NAPA: variants seen among roughly 807,000 people sequenced by gnomAD.
NAPA encodes the protein NSF attachment protein alpha.
In NAPA, 18 loss-of-function variants were observed where a neutral mutation model predicts 48.0. The observed-to-expected ratio is 0.38, with a 90% CI of 0.26 to 0.56. The LOEUF is 0.56. NAPA is among the 20% of genes least tolerant of loss of function. NAPA has a pLI of 0.77. For missense variants in NAPA, 315 were observed against 385.0 expected (o/e 0.82, Z 1.52); for synonymous variants, 152 against 149.9 (o/e 1.01, Z -0.10).
Position 47,503,289 on chromosome 19 carries a change from A to G in NAPA, c.178+134T>C, listed in dbSNP as rs150220822. ...CAGGCACAAAACAAGAGAGCAGGCC[A>G]GTGGCTTTCCGATGCCGGAGAGGGC... On this transcript the variant is annotated intron_variant, in intron 2 of 10. Transcript: ENST00000263354. The G allele has an allele frequency of 1.5e-3, 1,140 of 784,952 alleles. 6 individuals are homozygous for G. The African/African-American group carries it at 0.018, about 12-fold the overall frequency. 48.6% of individuals were successfully genotyped at this position (784,952 alleles called of 1,614,324 possible).
rs150356314 is a variant in NAPA at position 47,500,658 on chromosome 19, G to T, written c.270C>A (p.Asn90Lys). ...CTTGGGGGTCGGCTTTCTTGAATGC[G>T]TTGCCAGCGTCCACAAAGCAGGTGG... The part of the protein sequence containing the change: ...DAATCFVDAG[N>K]AFKKADPQEA... The change falls in exon 3 of 11, where the codon AAC becomes AAA. Residue 90 changes from asparagine to lysine, a missense_variant. Transcript: ENST00000263354. The T allele has an allele frequency of 6.2e-7, 1 of 1,610,622 alleles. No homozygotes were observed. Among genetic ancestry groups the T allele is most frequent in the Non-Finnish European group, 8.5e-7 (1 of 1,178,472 alleles).
downstream of NAPA, among the ~76,000 whole-genome samples, chr19:47,486,080 G>T (rs1968067815): frequency 1.3e-5 from 2 of 152,210 alleles, no homozygotes; most frequent in Admixed American, 6.5e-5. Flanking sequence ...AACAGGCCGG[G>T]CCTGGTGGCT....
At chr19:47,503,379 G>C in intron 2 of NAPA, 44 bp downstream of exon 2, 1 of 1,556,848 alleles carries the variant, frequency 6.4e-7, no homozygotes, top group East Asian at 2.2e-5. Context: ...GAAGCTGAGG[G>C]AGGAGGAGAG....
intron 3 of NAPA, 97 bp from the exon 4 acceptor site, chr19:47,495,693 G>T: frequency 8.5e-7 from 1 of 1,169,996 alleles, no homozygotes; most frequent in Non-Finnish European, 1.3e-6. Flanking sequence ...CTGGCTGCCA[G>T]CAGAGAGATC....
intron 2 of NAPA, among the ~76,000 whole-genome samples, chr19:47,500,968 G>A (rs1968563926): frequency 6.6e-6 from 1 of 152,184 alleles, no homozygotes; most frequent in Non-Finnish European, 1.5e-5. Context: ...GAGGCTCCTG[G>A]TGGCCCACCT....
chr19:47,486,997 C>T (rs1471112882), downstream of NAPA, among the ~76,000 whole-genome samples: 3 of 152,230 alleles, frequency 2.0e-5, no homozygotes, highest in Non-Finnish European at 4.4e-5. Context: ...GCTGTCTCCT[C>T]TGTAGCGAGG....
downstream of NAPA, among the ~76,000 whole-genome samples, chr19:47,485,906 C>T (rs1430947445): frequency 1.3e-5 from 2 of 152,224 alleles, no homozygotes; most frequent in Non-Finnish European, 2.9e-5. Context: ...TTCAGCAGTG[C>T]GTTTCCTTCA....
At chr19:47,501,759 G>T (rs1310959397) in intron 2 of NAPA, among the ~76,000 whole-genome samples, 1 of 152,148 alleles carries the variant, frequency 6.6e-6, no homozygotes, top group Admixed American at 6.5e-5. Flanking sequence ...TCGTGCAGCT[G>T]ACCACCTCCA....
Position 47,515,056 on chromosome 19 carries a change from C to A in NAPA, c.-116G>T. 5 of 1,052,418 alleles carry A rather than the reference C, an allele frequency of 4.8e-6. No homozygotes were observed. Among genetic ancestry groups the A allele is most frequent in the African/African-American group, 1.6e-5 (1 of 62,356 alleles). The allele number at this position is 1,052,418 out of a possible 1,614,324, so 65.2% of individuals were successfully genotyped here. ...TCGCCCGGCTGCGTTGACGTCGCAC[C>A]GGCGCGCGTCGCTTGCGGCCAGGAA... is the stretch of plus-strand genomic sequence containing the variant. On this transcript the variant is annotated 5_prime_UTR_variant, in exon 1 of 11. Transcript: ENST00000263354.
At chr19:47,487,360 G>A (rs530911894), downstream of NAPA, among the ~76,000 whole-genome samples, 1 of 152,318 alleles carries the variant, frequency 6.6e-6, no homozygotes, top group African/African-American at 2.4e-5. Flanking sequence ...CATCACCACC[G>A]TGCATCCCAG....
At chr19:47,498,842 A>C (rs147842677) in intron 3 of NAPA, among the ~76,000 whole-genome samples, 23 of 152,246 alleles carry the variant, frequency 1.5e-4, no homozygotes, top group African/African-American at 5.5e-4. Flanking sequence ...TGGAAGCTGC[A>C]CTAACACCCT....
chr19:47,502,117 T>G (rs1028689764), intron 2 of NAPA, among the ~76,000 whole-genome samples: 3 of 151,742 alleles, frequency 2.0e-5, no homozygotes, highest in African/African-American at 7.3e-5. Flanking sequence ...GGCACGTGCC[T>G]GTAATCCCAG....
At chr19:47,510,889 C>G (rs1001226069) in intron 1 of NAPA, among the ~76,000 whole-genome samples, 1 of 152,234 alleles carries the variant, frequency 6.6e-6, no homozygotes, top group Admixed American at 6.5e-5. Flanking sequence ...AGGGGAGGAA[C>G]AGGTATGGCT....
In NAPA at chr19:47,500,659, T is replaced by A; in HGVS notation, c.269A>T (p.Asn90Ile). ...DAATCFVDAG[N>I]AFKKADPQEA... ...TTGGGGGTCGGCTTTCTTGAATGCG[T>A]TGCCAGCGTCCACAAAGCAGGTGGC... is the stretch of plus-strand genomic sequence containing the variant. Residue 90 changes from asparagine to isoleucine, a missense_variant, in exon 3 of 11, where the codon AAC becomes ATC. Coordinates refer to ENST00000263354, the MANE Select transcript of NAPA (RefSeq NM_003827.4). The A allele has an allele frequency of 6.2e-7, 1 of 1,610,904 alleles. No individual in the cohort carries two copies. Among genetic ancestry groups the A allele is most frequent in the Non-Finnish European group, 8.5e-7 (1 of 1,178,580 alleles).
At chr19:47,495,524 T>G in intron 4 of NAPA, 26 bp downstream of exon 4, 1 of 1,612,376 alleles carries the variant, frequency 6.2e-7, no homozygotes, top group South Asian at 1.1e-5. Flanking sequence ...GACCCGGGGG[T>G]GTCAGGACAA....
intron 10 of NAPA, chr19:47,489,499 C>A: frequency 1.6e-6 from 1 of 615,424 alleles, no homozygotes; most frequent in African/African-American, 1.8e-5. Context: ...CCTCCCCAAC[C>A]TCAGTGCCAC....
chr19:47,487,014 G>A (rs1464208370), downstream of NAPA, among the ~76,000 whole-genome samples: 1 of 152,212 alleles, frequency 6.6e-6, no homozygotes, highest in African/African-American at 2.4e-5. Context: ...GAGGGGCCCT[G>A]CGCGGGGCAG....
At position 47,505,925 on chromosome 19, in the gene NAPA, A is replaced by G. The variant is rs550708566; in HGVS notation, c.99-2423T>C. On this transcript the variant is annotated intron_variant, in intron 1 of 10. Coordinates refer to ENST00000263354, the MANE Select transcript of NAPA (RefSeq NM_003827.4). Reference sequence around the variant, plus strand: ...GTTCTTCCCGCACTCGCCCTGCTGCACTCTGTCTTCCCTCACCCACCTCAC... The same window carrying G: ...GTTCTTCCCGCACTCGCCCTGCTGCGCTCTGTCTTCCCTCACCCACCTCAC... 6.8e-5 allele frequency among the ~76,000 whole-genome samples: 10 copies of G among 147,444 alleles called. No individual in the cohort carries two copies. The South Asian group carries it at 1.5e-3, about 22-fold the overall frequency.
chr19:47,490,603 CG>C (rs1458091036), intron 9 of NAPA, among the ~76,000 whole-genome samples, 184 bp downstream of exon 9: 1 of 151,608 alleles, frequency 6.6e-6, no homozygotes, highest in Non-Finnish European at 1.5e-5. Flanking sequence ...CAGCACTCCC[CG>C]AGTTGTACTT....
Sources: allele counts gnomAD v4.1 joint callset (sites outside exome capture counted in the v4.1 genomes callset), GRCh38; gene constraint gnomAD v4.1.1; transcripts MANE v1.5; gene names NCBI Gene and HGNC (gene_info 2026-07-23, HGNC 2026-07-21).